Variants in KLHDC10 observed in about 807,000 individuals in gnomAD.
KLHDC10 encodes the protein kelch domain containing 10, also known as kelch domain-containing protein 10.
KLHDC10 carries 24 observed loss-of-function variants against 56.1 expected under a neutral mutation model. The observed-to-expected ratio is 0.43, with a 90% confidence interval of 0.31 to 0.60. The LOEUF is 0.60. Among genes scored for constraint, KLHDC10 ranks in the 20% least tolerant of loss-of-function variants. KLHDC10 has a pLI of 0.11. For missense variants in KLHDC10, 349 were observed against 567.0 expected (o/e 0.62, Z 3.91); for synonymous variants, 188 against 207.1 (o/e 0.91, Z 0.79).
Position 130,127,452 on chromosome 7 carries a change from G to T in KLHDC10, c.979+1G>T. 1 of 1,604,940 alleles carries T rather than the reference G, an allele frequency of 6.2e-7. No individual in the cohort carries two copies. The highest frequency in any genetic ancestry group is 8.5e-7 in the Non-Finnish European group (1 of 1,171,742). On this transcript the variant is annotated splice_donor_variant, in intron 8 of 9. Coordinates refer to ENST00000335420, the MANE Select transcript of KLHDC10 (RefSeq NM_014997.4). LOFTEE classifies it high-confidence loss of function. ...CACAGTTGTGTTCAAATAAAAAATG[G>T]TAAGGATTCTAAATAACATTTTGCT...
chr7:130,086,906 G>A (rs1002292097), intron 1 of KLHDC10, among the ~76,000 whole-genome samples: 7 of 152,126 alleles, frequency 4.6e-5, no homozygotes, highest in East Asian at 3.8e-4. Context: ...ATTTTACTCT[G>A]CTTTCCCATT....
At chr7:130,086,369 C>A (rs773885702) in intron 1 of KLHDC10, among the ~76,000 whole-genome samples, 1 of 152,142 alleles carries the variant, frequency 6.6e-6, no homozygotes, top group Non-Finnish European at 1.5e-5. Context: ...TCCTAAAAGT[C>A]TTTTTCATTA....
Position 130,131,570 on chromosome 7 carries a change from T to C in KLHDC10, c.*824T>C, listed in dbSNP as rs1796401171. On this transcript the variant is annotated 3_prime_UTR_variant, in exon 10 of 10. Transcript: ENST00000335420. ...TTCTGGCAGTTTTGAAACTCTCTTA[T>C]GCTTATTAATGGTTTTAAATATCTC... 1 of 152,250 alleles carries C rather than the reference T, an allele frequency of 6.6e-6. No homozygotes were observed. Among genetic ancestry groups the C allele is most frequent in the Non-Finnish European group, 1.5e-5 (1 of 68,048 alleles). The allele number at this position is 152,250 out of a possible 1,614,324, so 9.4% of individuals were successfully genotyped here. A position where few individuals can be genotyped will look rare whatever the true frequency, so the allele number is the denominator to read the frequency against.
chr7:130,108,109 GTCCCAGCTAC>G (rs143674708), intron 2 of KLHDC10, among the ~76,000 whole-genome samples: 8,844 of 151,332 alleles, frequency 0.058, 312 homozygotes, highest in South Asian at 0.13. Flanking sequence ...TGCGCCTGGA[GTCCCAGCTAC>G]TCCAGACGCT....
Position 130,119,207 on chromosome 7 carries a change from CA to C in KLHDC10, c.476-1529del, listed in dbSNP as rs34509008. On this transcript the variant is annotated intron_variant, in intron 3 of 9. Coordinates refer to ENST00000335420, the MANE Select transcript of KLHDC10 (RefSeq NM_014997.4). ...TAGGCAAGACAGCAAGACTCCAACTCAAAAAAAAAAAAATAAATAAAGGCTA... is the reference window on the plus strand; with the variant it reads ...TAGGCAAGACAGCAAGACTCCAACTCAAAAAAAAAAAATAAATAAAGGCTA... 2.3e-3 allele frequency among the ~76,000 whole-genome samples: 281 copies of C among 123,240 alleles called. 3 individuals carry two copies. Among genetic ancestry groups the C allele is most frequent in the African/African-American group, 6.6e-3 (244 of 37,006 alleles). The allele number at this position is 123,240 out of a possible 152,430, so 80.9% of individuals were successfully genotyped here.
chr7:130,130,092 G>A lies in KLHDC10; in HGVS notation c.1120-445G>A, dbSNP rs887519633. 5.3e-5 allele frequency among the ~76,000 whole-genome samples: 8 copies of A among 151,944 alleles called. No homozygotes were observed. The highest frequency in any genetic ancestry group is 1.0e-4 in the Non-Finnish European group (7 of 67,980). ...AGCACTTTGGGAGGCCAAGGTGGGC[G>A]GATCACGAGGTCAGGAGATTGAGAC... On this transcript the variant is annotated intron_variant, in intron 9 of 9. Transcript: ENST00000335420. This position sits in a 1 kb window ranked among gnomAD's most constrained non-coding sequence, Gnocchi z 4.2.
chr7:130,087,156 C>T (rs1159378200), intron 1 of KLHDC10, among the ~76,000 whole-genome samples: 1 of 152,238 alleles, frequency 6.6e-6, no homozygotes, highest in African/African-American at 2.4e-5. Flanking sequence ...ATGCTGCACT[C>T]CCCTCTGCTT....
At chr7:130,111,405 T>C (rs1202498414) in intron 2 of KLHDC10, among the ~76,000 whole-genome samples, 3 of 152,008 alleles carry the variant, frequency 2.0e-5, no homozygotes, top group African/African-American at 4.8e-5. Flanking sequence ...GAAATACATA[T>C]AAAATAAAGA....
intron 2 of KLHDC10, among the ~76,000 whole-genome samples, chr7:130,103,527 C>T (rs1055429974): frequency 2.0e-4 from 30 of 152,060 alleles, no homozygotes; most frequent in African/African-American, 6.3e-4. Flanking sequence ...AAGTACCTCC[C>T]TATACGTTAC....
intron 7 of KLHDC10, among the ~76,000 whole-genome samples, chr7:130,126,423 C>G (rs910536672): frequency 6.6e-6 from 1 of 152,168 alleles, no homozygotes; most frequent in Admixed American, 6.5e-5. Flanking sequence ...TGCCTATAAT[C>G]CCAGCACTTT....
chr7:130,077,323 C>T lies in KLHDC10; in HGVS notation c.166+6514C>T, dbSNP rs571260936. ...GAGCCAAGATTGTGCCACTGCACTC[C>T]AGCCTGGGTGACTGAACAAGACTCT... On this transcript the variant is annotated intron_variant, in intron 1 of 9. Transcript: ENST00000335420. 2.7e-5 allele frequency among the ~76,000 whole-genome samples: 3 copies of T among 112,076 alleles called. No homozygotes were observed. In the Admixed American group the frequency reaches 4.0e-4, roughly 15 times the overall value. The allele number at this position is 112,076 out of a possible 152,430, so 73.5% of individuals were successfully genotyped here.
chr7:130,128,889 A>AAAATATATATATATATAT, intron 8 of KLHDC10, among the ~76,000 whole-genome samples: 2 of 66,954 alleles, frequency 3.0e-5, no homozygotes, highest in Non-Finnish European at 2.8e-5. Flanking sequence ...AAAAAAAAAA[A>AAAATATATATATATATAT]ATATATATAT....
intron 1 of KLHDC10, among the ~76,000 whole-genome samples, chr7:130,084,551 G>A (rs1326099003): frequency 1.3e-5 from 2 of 152,168 alleles, no homozygotes; most frequent in African/African-American, 4.8e-5. Context: ...GCCAAGGTGG[G>A]TGAATCACTT....
chr7:130,103,697 G>A (rs1322837326), intron 2 of KLHDC10, among the ~76,000 whole-genome samples: 2 of 152,240 alleles, frequency 1.3e-5, no homozygotes, highest in East Asian at 3.9e-4. Context: ...TCAGTACCCG[G>A]CCTCACTAAT....
At chr7:130,092,741 G>A (rs1316350349) in intron 1 of KLHDC10, among the ~76,000 whole-genome samples, 2 of 151,984 alleles carry the variant, frequency 1.3e-5, no homozygotes, top group East Asian at 1.9e-4. Context: ...TGGCTGGGAG[G>A]GGTTAACCTG....
chr7:130,077,353 C>CAAA (rs35132418), intron 1 of KLHDC10, among the ~76,000 whole-genome samples: 1,558 of 17,886 alleles, frequency 0.087, 530 homozygotes, highest in Middle Eastern at 0.29. Flanking sequence ...GACTCTGTCT[C>CAAA]AAAAAAAAAA....
intron 2 of KLHDC10, among the ~76,000 whole-genome samples, chr7:130,110,726 T>G (rs1796088557): frequency 6.6e-6 from 1 of 152,230 alleles, no homozygotes; most frequent in South Asian, 2.1e-4. Context: ...AGTAACCAGT[T>G]AAATTGATTA....
intron 2 of KLHDC10, among the ~76,000 whole-genome samples, chr7:130,103,660 G>A (rs1248264157): frequency 2.0e-5 from 3 of 152,162 alleles, no homozygotes; most frequent in Non-Finnish European, 4.4e-5. Context: ...TCAGTGTTCT[G>A]AGGGGAAATT....
intron 6 of KLHDC10, 143 bp downstream of exon 6, chr7:130,124,678 C>A: frequency 1.8e-6 from 1 of 556,672 alleles, no homozygotes; most frequent in Non-Finnish European, 3.3e-6. Context: ...GTTGGATGCA[C>A]TTTATAAGGT....
Sources: allele counts gnomAD v4.1 joint callset (sites outside exome capture counted in the v4.1 genomes callset), GRCh38; gene constraint gnomAD v4.1.1; non-coding constraint Gnocchi (gnomAD v3.1); transcripts MANE v1.5; gene names NCBI Gene and HGNC (gene_info 2026-07-23, HGNC 2026-07-21).